DEPDC1B: variants seen among roughly 807,000 people sequenced by gnomAD.
DEPDC1B encodes the protein DEP domain containing 1B.
Under a neutral mutation model 66.5 loss-of-function variants are expected in DEPDC1B, and 51 were observed. The ratio of observed to expected loss-of-function variants is 0.77; its 90% CI spans 0.61 to 0.97. The LOEUF is 0.97. DEPDC1B is among the 50% of genes least tolerant of loss of function. The pLI, the probability that DEPDC1B is intolerant of heterozygous loss-of-function variation, is 0.00. For missense variants in DEPDC1B, 552 were observed against 637.1 expected (o/e 0.87, Z 1.44); for synonymous variants, 226 against 223.6 (o/e 1.01, Z -0.10).
intron 2 of DEPDC1B, among the ~76,000 whole-genome samples, chr5:60,666,447 AC>A (rs574305577): frequency 2.1e-4 from 31 of 149,456 alleles, no homozygotes; most frequent in Admixed American, 1.5e-3. Context: ...AAGAACAAAG[AC>A]CCCCCCCATA....
At chr5:60,684,873 AC>A (rs528087689) in intron 2 of DEPDC1B, among the ~76,000 whole-genome samples, 54 of 152,336 alleles carry the variant, frequency 3.5e-4, no homozygotes, top group African/African-American at 1.3e-3. Context: ...AAGGAGCTCA[AC>A]AACAAAACTC....
Position 60,700,105 on chromosome 5 carries a change from A to C in DEPDC1B, c.-12T>G, listed in dbSNP as rs1197402649. 4 of 1,547,300 alleles carry C rather than the reference A, an allele frequency of 2.6e-6. No homozygotes were observed. In the East Asian group the frequency reaches 9.8e-5, roughly 38 times the overall value. On this transcript the variant is annotated 5_prime_UTR_variant, in exon 1 of 11. Coordinates refer to ENST00000265036, the MANE Select transcript of DEPDC1B (RefSeq NM_018369.3). ...ATGCGATGCTCCATGGCGCGTAGGC[A>C]GCAGCGGCCGCAGCCGCGCCAGCGC... is the stretch of plus-strand genomic sequence containing the variant.
intron 7 of DEPDC1B, among the ~76,000 whole-genome samples, chr5:60,611,514 C>T (rs1752413553): frequency 6.6e-6 from 1 of 152,212 alleles, no homozygotes; most frequent in African/African-American, 2.4e-5. Flanking sequence ...CAAGCTAGGC[C>T]TCTGGTGCCA....
intron 2 of DEPDC1B, among the ~76,000 whole-genome samples, chr5:60,656,159 ATTTTTTTT>A (rs59421459): frequency 2.4e-5 from 3 of 125,928 alleles, no homozygotes; most frequent in African/African-American, 3.2e-5. Context: ...GTTTAAGTCC[ATTTTTTTT>A]TTTTTTTTTT....
At chr5:60,612,231 T>C (rs1752427013) in intron 7 of DEPDC1B, among the ~76,000 whole-genome samples, 1 of 152,134 alleles carries the variant, frequency 6.6e-6, no homozygotes, top group Non-Finnish European at 1.5e-5. Context: ...AAGTCCAGCC[T>C]GGCCAACATG....
intron 2 of DEPDC1B, among the ~76,000 whole-genome samples, chr5:60,667,835 G>A (rs183518190): frequency 0.37 from 15,857 of 43,434 alleles, 4,715 homozygotes; most frequent in East Asian, 0.61. Context: ...TTACATATAT[G>A]TAAAAAATGG....
rs1401225881 is a variant in DEPDC1B, at chr5:60,676,922, GC to G, written c.314+10039del. ...GGAATGTGGCCACTGGAGTGAGTTT[GC>G]CCCATCTAAAGACTTTCCGGTTCAT... On this transcript the variant is annotated intron_variant, in intron 2 of 10. Coordinates refer to ENST00000265036, the MANE Select transcript of DEPDC1B (RefSeq NM_018369.3). Among the ~76,000 whole-genome samples, 3 of 152,152 alleles carry G rather than the reference GC, an allele frequency of 2.0e-5. No individual in the cohort carries two copies. In the East Asian group the frequency reaches 5.8e-4, roughly 29 times the overall value.
intron 7 of DEPDC1B, among the ~76,000 whole-genome samples, chr5:60,619,377 T>C (rs1360454557): frequency 1.3e-5 from 2 of 152,210 alleles, no homozygotes; most frequent in Non-Finnish European, 2.9e-5. Flanking sequence ...CATGATTGTA[T>C]ATCTAGAAAA....
At chr5:60,632,943 G>A (rs1254354927) in intron 7 of DEPDC1B, among the ~76,000 whole-genome samples, 2 of 152,204 alleles carry the variant, frequency 1.3e-5, no homozygotes, top group Non-Finnish European at 2.9e-5. Context: ...AGCAGAATAA[G>A]CCACAGGCTG....
intron 2 of DEPDC1B, among the ~76,000 whole-genome samples, chr5:60,657,453 AT>A (rs1166684834): frequency 6.6e-6 from 1 of 152,090 alleles, no homozygotes; most frequent in Non-Finnish European, 1.5e-5. Flanking sequence ...TTGTTTCAGG[AT>A]TTAGAGCTCC....
chr5:60,624,414 G>A (rs1752769080), intron 7 of DEPDC1B, among the ~76,000 whole-genome samples: 1 of 152,012 alleles, frequency 6.6e-6, no homozygotes, highest in African/African-American at 2.4e-5. Context: ...ATGTATTTTT[G>A]CATTTGGTTT....
At position 60,647,407 on chromosome 5, in the gene DEPDC1B, T is replaced by A; in HGVS notation, c.441A>T (p.Pro147=). Residue 147 remains proline, a synonymous_variant, in exon 3 of 11, where the codon CCA becomes CCT. Coordinates refer to ENST00000265036, the MANE Select transcript of DEPDC1B (RefSeq NM_018369.3). ...CAGTCATGGCACTTACCATCACAAC[T>A]GGCCTCACTGGGATGTTCTCTTGTG... ...GTSQENIPVR[P]VVMNSEMWYK... is the part of the protein sequence containing the mutation. 1.1e-5 allele frequency: 18 copies of A among 1,605,336 alleles called. No individual in the cohort carries two copies. The highest frequency in any genetic ancestry group is 1.5e-5 in the Non-Finnish European group (18 of 1,177,194).
intron 7 of DEPDC1B, among the ~76,000 whole-genome samples, chr5:60,631,452 A>G (rs1206988311): frequency 1.3e-5 from 2 of 152,200 alleles, no homozygotes; most frequent in East Asian, 3.8e-4. Context: ...CCCAGAGTGG[A>G]TTCTGGAGAG....
At chr5:60,607,686 A>C (rs1275107862) in intron 7 of DEPDC1B, among the ~76,000 whole-genome samples, 1 of 152,188 alleles carries the variant, frequency 6.6e-6, no homozygotes. Context: ...GCTCCAAAAA[A>C]AACACTTCTA....
At chr5:60,615,281 G>A (rs924735119) in intron 7 of DEPDC1B, among the ~76,000 whole-genome samples, 1 of 152,166 alleles carries the variant, frequency 6.6e-6, no homozygotes, top group African/African-American at 2.4e-5. Context: ...TCTCACTGGG[G>A]AGTGTCGGAC....
Position 60,603,548 on chromosome 5 carries a change from C to A in DEPDC1B, c.1085G>T (p.Arg362Leu), listed in dbSNP as rs760880988. ...TTCATCCTTGGAACACAAGATGCAA[C>A]GGGAAAATGTCTGAACCATCTAAAA... ...TRTLMVQTFS[R>L]CILCSKDEVD... The change falls in exon 9 of 11, where the codon CGT becomes CTT. Residue 362 changes from arginine (R) to leucine (L), a missense_variant. Transcript: ENST00000265036. The A allele has an allele frequency of 6.2e-7, 1 of 1,602,798 alleles. No homozygotes were observed. The highest frequency in any genetic ancestry group is 1.1e-5 in the South Asian group (1 of 88,538).
Position 60,638,732 on chromosome 5 carries a change from C to T in DEPDC1B, c.898+18G>A. The stretch of plus-strand genomic sequence containing the variant: ...AATATCAGTGATGTAGATATATGTT[C>T]ATTATATTCCAACTTACCCAGTACA... On this transcript the variant is annotated intron_variant, in intron 7 of 10. Coordinates refer to ENST00000265036, the MANE Select transcript of DEPDC1B (RefSeq NM_018369.3). 1 of 1,594,418 alleles carries T rather than the reference C, an allele frequency of 6.3e-7. No homozygotes were observed. Among genetic ancestry groups the T allele is most frequent in the African/African-American group, 1.4e-5 (1 of 73,936 alleles).
intron 1 of DEPDC1B, among the ~76,000 whole-genome samples, chr5:60,694,168 A>C (rs944455429): frequency 2.0e-5 from 3 of 152,266 alleles, no homozygotes; most frequent in African/African-American, 7.2e-5. Flanking sequence ...AGACACATAG[A>C]CAGAATTTTT....
chr5:60,693,826 G>A (rs1325042346), intron 1 of DEPDC1B, among the ~76,000 whole-genome samples: 1 of 151,640 alleles, frequency 6.6e-6, no homozygotes, highest in Non-Finnish European at 1.5e-5. Context: ...TCATTAGATT[G>A]TTGTACCGAA....
Sources: gnomAD v4.1 joint callset for allele counts (sites outside exome capture counted in the v4.1 genomes callset) on GRCh38, gnomAD v4.1.1 for gene constraint, MANE v1.5 for transcripts, NCBI Gene and HGNC (gene_info 2026-07-23, HGNC 2026-07-21) for gene names.